Variants in LDHAL6A observed in about 807,000 individuals in gnomAD.
LDHAL6A encodes lactate dehydrogenase A like 6A.
Under a neutral mutation model 28.2 loss-of-function variants are expected in LDHAL6A, and 19 were observed. That is an observed-to-expected ratio of 0.67 (90% CI 0.47 to 0.99). The LOEUF (loss-of-function observed/expected upper bound fraction) is 0.99, where lower values mean the gene tolerates loss of function less well. Ranked by LOEUF, LDHAL6A falls within the 50% of genes least tolerant of loss-of-function variation. The probability of loss-of-function intolerance (pLI) is 0.00; values close to 1 mark genes in which losing one functional copy is unlikely to be tolerated. For synonymous variants in LDHAL6A, 144 were observed against 134.4 expected (o/e 1.07, Z -0.49); for missense variants, 372 against 398.6 (o/e 0.93, Z 0.57).
Position 18,464,013 on chromosome 11 carries a change from G to C in LDHAL6A, c.179G>C (p.Gly60Ala), listed in dbSNP as rs1467216326. ...GATGTTGATGAAGGCAAACTGAAGG[G>C]TGAGACAATGGATCTTCAACATGGC... ...LVDVDEGKLK[G>A]ETMDLQHGSP... The change falls in exon 2 of 7, where the codon GGT (glycine) becomes GCT (alanine). Residue 60 changes from glycine to alanine, a missense_variant. By Grantham distance (60) the Gly-to-Ala change is moderately conservative (BLOSUM62 0). This residue lies in a region of LDHAL6A where 77 missense variants were observed against 77.9 expected (regional missense o/e 0.99). Transcript: ENST00000280706. 4 of 1,614,058 alleles carry C rather than the reference G, an allele frequency of 2.5e-6. No homozygotes were observed. The highest frequency in any genetic ancestry group is 1.7e-6 in the Non-Finnish European group (2 of 1,179,958).
In LDHAL6A at chr11:18,465,714, G is replaced by C. The variant is rs1849053251; in HGVS notation, c.322G>C (p.Asp108His). ...ARQKKGETRL[D>H]LVQRNVSIFK... ...CCAGAAAAAAGGAGAAACACGCCTT[G>C]ATTTAGTCCAGCGAAATGTATCCAT... is the stretch of plus-strand genomic sequence containing the variant. Residue 108 changes from aspartate to histidine, a missense_variant, in exon 3 of 7, where the codon GAT (aspartate) becomes CAT (histidine). Asp to His is a moderately conservative substitution (Grantham distance 81). This residue lies in a region of LDHAL6A where 291 missense variants were observed against 302.9 expected (regional missense o/e 0.96). Coordinates refer to ENST00000280706, the MANE Select transcript of LDHAL6A (RefSeq NM_144972.5). 1.2e-6 allele frequency: 2 copies of C among 1,613,968 alleles called. No homozygotes were observed. Among genetic ancestry groups the C allele is most frequent in the Non-Finnish European group, 1.7e-6 (2 of 1,179,868 alleles).
intron 3 of LDHAL6A, among the ~76,000 whole-genome samples, chr11:18,468,163 A>G (rs541677991): frequency 1.3e-5 from 2 of 148,350 alleles, no homozygotes; most frequent in Non-Finnish European, 3.0e-5. Flanking sequence ...AAGGATTTTG[A>G]TAGGGATTAC....
chr11:18,474,145 T>C (rs1849312376), intron 3 of LDHAL6A, among the ~76,000 whole-genome samples: 1 of 152,078 alleles, frequency 6.6e-6, no homozygotes, highest in African/African-American at 2.4e-5. Flanking sequence ...AATGGTGTGA[T>C]CTCGGCTCAC....
chr11:18,477,407 C>T (rs1381780386), intron 5 of LDHAL6A, among the ~76,000 whole-genome samples: 3 of 150,122 alleles, frequency 2.0e-5, no homozygotes, highest in Non-Finnish European at 4.4e-5. Flanking sequence ...TGTAGTGAGC[C>T]GAGATCACAC....
At chr11:18,460,594 C>CAAAAA (rs34780803) in intron 1 of LDHAL6A, among the ~76,000 whole-genome samples, 15 of 90,324 alleles carry the variant, frequency 1.7e-4, no homozygotes, top group African/African-American at 5.8e-4. Context: ...AACTCCGTCT[C>CAAAAA]AAAAAAAAAA....
At chr11:18,474,386 G>GTTTCT (rs1259827513) in intron 3 of LDHAL6A, among the ~76,000 whole-genome samples, 2 of 149,382 alleles carry the variant, frequency 1.3e-5, no homozygotes, top group Non-Finnish European at 3.0e-5. Context: ...GATGACGTAT[G>GTTTCT]TTTCTTTTCT....
chr11:18,474,228 AC>A (rs1849314075), intron 3 of LDHAL6A, among the ~76,000 whole-genome samples: 1 of 150,706 alleles, frequency 6.6e-6, no homozygotes, highest in Non-Finnish European at 1.5e-5. Context: ...ACAGGTGTCC[AC>A]CACCACGCCT....
Position 18,475,563 on chromosome 11 carries a change from C to T in LDHAL6A, c.516C>T (p.Tyr172=), listed in dbSNP as rs745319299. 3.1e-6 allele frequency: 5 copies of T among 1,614,014 alleles called. No individual in the cohort carries two copies. Among genetic ancestry groups the T allele is most frequent in the South Asian group, 1.1e-5 (1 of 91,090 alleles). The change falls in exon 4 of 7, where the codon TAC becomes TAT. Residue 172 remains tyrosine, a synonymous_variant. Transcript: ENST00000280706. ...ATCTGGACTCTGCTCGTTTTCGTTACTTTATTGGGCAAAGGCTTGGCATCC... is the reference window on the plus strand; with the variant it reads ...ATCTGGACTCTGCTCGTTTTCGTTATTTTATTGGGCAAAGGCTTGGCATCC... The part of the protein sequence containing the change: ...GCNLDSARFR[Y]FIGQRLGIHS...
intron 4 of LDHAL6A, 21 bp from the exon 5 acceptor site, chr11:18,476,363 T>C (rs1460973569): frequency 6.2e-7 from 1 of 1,605,792 alleles, no homozygotes; most frequent in Middle Eastern, 1.7e-4. Flanking sequence ...AGAAGTGGGA[T>C]TTTGGGTGTC....
chr11:18,468,045 ATACG>A lies in LDHAL6A; in HGVS notation c.418+2238_418+2241del, dbSNP rs1435141639. Among the ~76,000 whole-genome samples the A allele has an allele frequency of 9.1e-4, 12 of 13,186 alleles. 1 individual carries two copies. Among genetic ancestry groups the A allele is most frequent in the African/African-American group, 1.0e-3 (8 of 7,732 alleles). The allele number at this position is 13,186 out of a possible 152,430, so 8.7% of individuals were successfully genotyped here. ...TATACGTATATATATATACATATAT[ATACG>A]TATATATATATACATATATATATAT... On this transcript the variant is annotated intron_variant, in intron 3 of 6. Transcript: ENST00000280706.
At chr11:18,476,273 C>G in intron 4 of LDHAL6A, 111 bp from the exon 5 acceptor site, 1 of 1,245,990 alleles carries the variant, frequency 8.0e-7, no homozygotes, top group East Asian at 2.5e-5. Context: ...GATATCGGAA[C>G]ATTCCTAGTT....
In LDHAL6A at chr11:18,478,750, T is replaced by C; in HGVS notation, c.879T>C (p.Cys293=). Residue 293 remains cysteine (C), a synonymous_variant, in exon 7 of 7, where the codon TGT becomes TGC. Transcript: ENST00000280706. ...INEDIFLSVP[C]ILGENGITDL... is the part of the protein sequence containing the mutation. ...AAGACATATTCCTTAGTGTCCCATG[T>C]ATCCTGGGAGAGAATGGTATCACAG... 6.2e-7 allele frequency: 1 copy of C among 1,610,614 alleles called. No homozygotes were observed. Among genetic ancestry groups the C allele is most frequent in the Non-Finnish European group, 8.5e-7 (1 of 1,176,930 alleles).
chr11:18,478,538 C>T (rs539011070), intron 6 of LDHAL6A, among the ~76,000 whole-genome samples, 168 bp from the exon 7 acceptor site: 3 of 151,834 alleles, frequency 2.0e-5, no homozygotes, highest in South Asian at 2.1e-4. Context: ...CCAGCCTGGA[C>T]GACAGAGCAA....
At chr11:18,467,898 T>TATATATATATATATACAC (rs1242785580) in intron 3 of LDHAL6A, among the ~76,000 whole-genome samples, 1 of 68,222 alleles carries the variant, frequency 1.5e-5, no homozygotes. Context: ...TATATATATA[T>TATATATATATATATACAC]ATATATATAT....
intron 3 of LDHAL6A, chr11:18,469,169 C>A (rs1465888739): frequency 1.6e-6 from 1 of 626,972 alleles, no homozygotes; most frequent in Non-Finnish European, 2.8e-6. Context: ...TGTGAAGGCA[C>A]CTGGTGGAGC....
intron 3 of LDHAL6A, among the ~76,000 whole-genome samples, chr11:18,468,062 CAT>C (rs148813517): frequency 0.029 from 900 of 30,658 alleles, 30 homozygotes; most frequent in African/African-American, 0.061. Context: ...TATATATATA[CAT>C]ATATATATAT....
In LDHAL6A at chr11:18,464,986, TGTTTTG is replaced by T. The variant is rs1392914794; in HGVS notation, c.245-650_245-645del. Among the ~76,000 whole-genome samples, 931 of 120,760 alleles carry T rather than the reference TGTTTTG, an allele frequency of 7.7e-3. 46 individuals carry two copies. Among genetic ancestry groups the T allele is most frequent in the African/African-American group, 0.032 (889 of 27,782 alleles). The allele number at this position is 120,760 out of a possible 152,430, so 79.2% of individuals were successfully genotyped here. A position where few individuals can be genotyped will look rare whatever the true frequency, so the allele number is the denominator to read the frequency against. ...GTGAGGTGTTTTTTTTGTTTTTTTT[TGTTTTG>T]TTTTGTTTTGGTTTGTTTTTGAGAC... On this transcript the variant is annotated intron_variant, in intron 2 of 6. Coordinates refer to ENST00000280706, the MANE Select transcript of LDHAL6A (RefSeq NM_144972.5).
Position 18,476,487 on chromosome 11 carries a change from A to G in LDHAL6A, c.696A>G (p.Lys232=). The change falls in exon 5 of 7, where the codon AAA becomes AAG. Residue 232 remains lysine, a synonymous_variant. Transcript: ENST00000280706. ...KDPEQWENVH[K]KVISSGYEMV... ...CTGAGCAGTGGGAAAATGTCCACAAAAAAGTGATTTCCAGGTAATATGCTA... is the reference window on the plus strand; with the variant it reads ...CTGAGCAGTGGGAAAATGTCCACAAGAAAGTGATTTCCAGGTAATATGCTA... 6.2e-7 allele frequency: 1 copy of G among 1,613,846 alleles called. No individual in the cohort carries two copies. The highest frequency in any genetic ancestry group is 8.5e-7 in the Non-Finnish European group (1 of 1,179,920).
chr11:18,456,390 C>G lies in LDHAL6A; in HGVS notation c.-291C>G. 1 of 290,168 alleles carries G rather than the reference C, an allele frequency of 3.4e-6. No individual in the cohort carries two copies. The highest frequency in any genetic ancestry group is 5.6e-5 in the Admixed American group (1 of 17,808). The allele number at this position is 290,168 out of a possible 1,614,324, so 18.0% of individuals were successfully genotyped here. On this transcript the variant is annotated 5_prime_UTR_variant, in exon 1 of 7. Coordinates refer to ENST00000280706, the MANE Select transcript of LDHAL6A (RefSeq NM_144972.5). Reference sequence around the variant, plus strand: ...AGCTGTAGTTTCATGTTTGGTGGAGCAACCCCTGTTCCTTTCCTCTCTCTC... The same window carrying G: ...AGCTGTAGTTTCATGTTTGGTGGAGGAACCCCTGTTCCTTTCCTCTCTCTC...
Sources: gnomAD v4.1 joint callset for allele counts (sites outside exome capture counted in the v4.1 genomes callset) on GRCh38, gnomAD v4.1.1 for gene constraint, gnomAD v4.1.1 regional missense constraint, MANE v1.5 for transcripts, NCBI Gene and HGNC (gene_info 2026-07-23, HGNC 2026-07-21) for gene names.